The following VPS13D variants were observed in gnomAD, a reference collection of about 807,000 sequenced individuals.
The protein encoded by VPS13D is vacuolar protein sorting 13 homolog D.
A neutral mutation model predicts 461.9 loss-of-function variants in VPS13D; 187 were observed. The ratio of observed to expected loss-of-function variants is 0.40; its 90% CI spans 0.36 to 0.46. VPS13D has a LOEUF of 0.46. Ranked by LOEUF, VPS13D falls within the 20% of genes least tolerant of loss-of-function variation. VPS13D has a pLI of 0.60. For missense variants in VPS13D, 4,711 were observed against 5,364.9 expected, an observed-to-expected ratio of 0.88 and a Z score of 3.81; for synonymous variants, 1,951 against 1,986.3, an observed-to-expected ratio of 0.98 and a Z score of 0.47.
intron 59 of VPS13D, among the ~76,000 whole-genome samples, chr1:12,385,840 G>A (rs1160110856): frequency 1.3e-5 from 2 of 152,210 alleles, no homozygotes; most frequent in Non-Finnish European, 2.9e-5. Flanking sequence ...CTATGGAAGT[G>A]TAGTGGATAA....
chr1:12,276,021 A>G lies in VPS13D; in HGVS notation c.2433A>G (p.Thr811=). The G allele has an allele frequency of 6.2e-7, 1 of 1,614,116 alleles. No homozygotes were observed. The change falls in exon 19 of 70, where the codon ACA becomes ACG. Residue 811 remains threonine, a synonymous_variant. Coordinates refer to ENST00000620676, the MANE Select transcript of VPS13D (RefSeq NM_015378.4). This position sits in a 1 kb window ranked among gnomAD's most constrained non-coding sequence, Gnocchi z 4.5. ...EEQLQAHLMS[T]KMYERYSLSF... is the part of the protein sequence containing the mutation. ...AGCTTCAAGCACATTTAATGAGCAC[A>G]AAGATGTATGAGAGGTACTCGCTGT...
Position 12,276,746 on chromosome 1 carries a change from C to T in VPS13D, c.3158C>T (p.Thr1053Ile), listed in dbSNP as rs1418431531. 2.5e-6 allele frequency: 4 copies of T among 1,614,094 alleles called. No homozygotes were observed. The highest frequency in any genetic ancestry group is 8.5e-7 in the Non-Finnish European group (1 of 1,180,048). ...TCTGGACCGAATGTGGCCCACTTAA[C>T]TGATGGAGCTACACTGAACGACCGA... ...PVSGPNVAHLTDGATLNDRSA... is the reference protein window; with the variant it reads ...PVSGPNVAHLIDGATLNDRSA... The change falls in exon 19 of 70, where the codon ACT becomes ATT. Residue 1053 changes from threonine to isoleucine, a missense_variant. Physicochemically the swap from Thr to Ile is moderately conservative, Grantham distance 89. Coordinates refer to ENST00000620676, the MANE Select transcript of VPS13D (RefSeq NM_015378.4). This position sits in a 1 kb window ranked among gnomAD's most constrained non-coding sequence, Gnocchi z 4.5.
At chr1:12,303,694 GC>G (rs1160760221) in intron 25 of VPS13D, among the ~76,000 whole-genome samples, 3 of 152,194 alleles carry the variant, frequency 2.0e-5, no homozygotes, top group Non-Finnish European at 4.4e-5. Flanking sequence ...TAGAGGGAGA[GC>G]CATCCTTCCT....
At position 12,505,361 on chromosome 1, in the gene VPS13D, C is replaced by G. The variant is rs1646091751; in HGVS notation, c.12795-1492C>G. 1.3e-5 allele frequency among the ~76,000 whole-genome samples: 2 copies of G among 152,258 alleles called. No individual in the cohort carries two copies. The highest frequency in any genetic ancestry group is 2.9e-5 in the Non-Finnish European group (2 of 68,048). On this transcript the variant is annotated intron_variant, in intron 68 of 69. Coordinates refer to ENST00000620676, the MANE Select transcript of VPS13D (RefSeq NM_015378.4). This position sits in a 1 kb window ranked among gnomAD's most constrained non-coding sequence, Gnocchi z 4.2. Reference sequence around the variant, plus strand: ...GTTAGAGCGCAAGATGTGAGAACGTCTGTGCTGAGTGGCCTAAACACTGAA... The same window carrying G: ...GTTAGAGCGCAAGATGTGAGAACGTGTGTGCTGAGTGGCCTAAACACTGAA...
At chr1:12,451,194 G>T (rs1645258419) in intron 65 of VPS13D, among the ~76,000 whole-genome samples, 1 of 152,182 alleles carries the variant, frequency 6.6e-6, no homozygotes, top group Admixed American at 6.5e-5. Context: ...CAACCCTTCG[G>T]AGCCAGGCCC....
chr1:12,272,512 A>G (rs1394839745), intron 17 of VPS13D, among the ~76,000 whole-genome samples: 1 of 152,042 alleles, frequency 6.6e-6, no homozygotes, highest in East Asian at 1.9e-4. Flanking sequence ...TTTGCCACAT[A>G]CATACAGTTG....
At chr1:12,395,463 A>G (rs1644482624) in intron 60 of VPS13D, among the ~76,000 whole-genome samples, 1 of 152,188 alleles carries the variant, frequency 6.6e-6, no homozygotes, top group Admixed American at 6.5e-5. Context: ...CAGGTCAGCC[A>G]CTTGCATGAC....
rs151197529 is a variant in VPS13D at position 12,297,332 on chromosome 1, A to G, written c.6034-1870A>G. On this transcript the variant is annotated intron_variant, in intron 24 of 69. Transcript: ENST00000620676. ...TGGCCAAATATAAATTATTTCCCATATATTTTACCCCAGAAGTATGATGCA... is the reference window on the plus strand; with the variant it reads ...TGGCCAAATATAAATTATTTCCCATGTATTTTACCCCAGAAGTATGATGCA... Among the ~76,000 whole-genome samples the G allele has an allele frequency of 8.5e-5, 13 of 152,320 alleles. No homozygotes were observed. In the East Asian group the frequency reaches 2.3e-3, roughly 27 times the overall value.
At chr1:12,231,128 CT>C (rs928972313) in intron 1 of VPS13D, among the ~76,000 whole-genome samples, 16 of 152,250 alleles carry the variant, frequency 1.1e-4, no homozygotes, top group Non-Finnish European at 2.2e-4. Flanking sequence ...TCATGCCCGG[CT>C]GTCTGCCCGC....
At chr1:12,446,339 C>T (rs1645191866) in intron 65 of VPS13D, among the ~76,000 whole-genome samples, 1 of 151,826 alleles carries the variant, frequency 6.6e-6, no homozygotes, top group Admixed American at 6.6e-5. Context: ...ATTGCTTGAC[C>T]CTAGGAGGCT....
At chr1:12,343,654 C>A (rs906624388) in intron 42 of VPS13D, among the ~76,000 whole-genome samples, 1 of 152,092 alleles carries the variant, frequency 6.6e-6, no homozygotes, top group African/African-American at 2.4e-5. Context: ...GGATTACAGG[C>A]GTGAGCCACT....
At chr1:12,336,689 G>A (rs1302359975) in intron 39 of VPS13D, 1 of 152,180 alleles carries the variant, frequency 6.6e-6, no homozygotes, top group African/African-American at 2.4e-5. Flanking sequence ...TGTCTGCCTT[G>A]TACTTCTAGA....
At chr1:12,439,090 G>A (rs1244019427) in intron 65 of VPS13D, among the ~76,000 whole-genome samples, 2 of 152,122 alleles carry the variant, frequency 1.3e-5, no homozygotes, top group African/African-American at 4.8e-5. Context: ...CAACTAGAGT[G>A]ATCCTGTCAA....
In VPS13D at chr1:12,379,930, G is replaced by A. The variant is rs569526856; in HGVS notation, c.11190+334G>A. Among the ~76,000 whole-genome samples the A allele has an allele frequency of 3.0e-4, 46 of 151,904 alleles. 1 individual carries two copies. Among genetic ancestry groups the A allele is most frequent in the Non-Finnish European group, 5.7e-4 (39 of 67,972 alleles). On this transcript the variant is annotated intron_variant, in intron 57 of 69. Transcript: ENST00000620676. Reference sequence around the variant, plus strand: ...ACTACAGGTGCCCGCCACCACGCCCGGCTAATTTTTTGTATTTTTTAGTAG... The same window carrying A: ...ACTACAGGTGCCCGCCACCACGCCCAGCTAATTTTTTGTATTTTTTAGTAG...
chr1:12,241,943 C>T (rs552385257), intron 2 of VPS13D, among the ~76,000 whole-genome samples: 92 of 152,198 alleles, frequency 6.0e-4, no homozygotes, highest in Middle Eastern at 3.4e-3. Flanking sequence ...GCCTGCATTT[C>T]ATCCTAGGTG....
At position 12,276,759 on chromosome 1, in the gene VPS13D, A is replaced by C; in HGVS notation, c.3171A>C (p.Thr1057=). 1 of 1,614,192 alleles carries C rather than the reference A, an allele frequency of 6.2e-7. No individual in the cohort carries two copies. The highest frequency in any genetic ancestry group is 1.1e-5 in the South Asian group (1 of 91,084). ...TGGCCCACTTAACTGATGGAGCTAC[A>C]CTGAACGACCGATCAGCTACTAGTG... ...PNVAHLTDGA[T]LNDRSATSVS... is the part of the protein sequence containing the mutation. Residue 1057 remains threonine (T), a synonymous_variant, in exon 19 of 70, where the codon ACA becomes ACC. Coordinates refer to ENST00000620676, the MANE Select transcript of VPS13D (RefSeq NM_015378.4). This position sits in a 1 kb window ranked among gnomAD's most constrained non-coding sequence, Gnocchi z 4.5.
At chr1:12,489,534 G>A (rs930919955) in intron 67 of VPS13D, among the ~76,000 whole-genome samples, 1 of 152,150 alleles carries the variant, frequency 6.6e-6, no homozygotes, top group African/African-American at 2.4e-5. Context: ...TCTAGGGAGA[G>A]GTAAGTAGAA....
At chr1:12,251,277 T>A (rs192238252) in intron 6 of VPS13D, among the ~76,000 whole-genome samples, 1 of 152,382 alleles carries the variant, frequency 6.6e-6, no homozygotes, top group East Asian at 1.9e-4. Context: ...TGTGTGCTCC[T>A]CCTTTCACTT....
intron 63 of VPS13D, among the ~76,000 whole-genome samples, chr1:12,412,223 G>A (rs555466646): frequency 9.9e-5 from 15 of 152,206 alleles, no homozygotes; most frequent in Non-Finnish European, 1.6e-4. Flanking sequence ...TAAAGTTGTC[G>A]TTGCTCCTCA....
Sources: gnomAD v4.1 joint callset for allele counts (sites outside exome capture counted in the v4.1 genomes callset) on GRCh38, gnomAD v4.1.1 for gene constraint, Gnocchi (gnomAD v3.1) non-coding constraint, MANE v1.5 for transcripts, NCBI Gene and HGNC (gene_info 2026-07-23, HGNC 2026-07-21) for gene names.